The following PTBP3 variants were observed in gnomAD, a reference collection of about 807,000 sequenced individuals.
PTBP3 encodes the protein polypyrimidine tract binding protein 3.
A neutral mutation model predicts 58.7 loss-of-function variants in PTBP3; 20 were observed. The ratio of observed to expected loss-of-function variants is 0.34; its 90% CI spans 0.24 to 0.50. PTBP3 has a LOEUF of 0.50. Among genes scored for constraint, PTBP3 ranks in the 20% least tolerant of loss-of-function variants. The pLI is 0.98. For missense variants in PTBP3, 509 were observed against 637.2 expected (o/e 0.80, Z 2.17); for synonymous variants, 185 against 219.8 (o/e 0.84, Z 1.40).
intron 1 of PTBP3, among the ~76,000 whole-genome samples, chr9:112,331,952 A>G (rs115207780): frequency 0.021 from 3,136 of 152,324 alleles, 122 homozygotes; most frequent in African/African-American, 0.072. Context: ...CCTTCCAGAC[A>G]ATTAACTACA....
rs1834822631 is a variant in PTBP3, at chr9:112,221,982, T to C, written c.*1869A>G. The C allele has an allele frequency of 2.2e-6, 2 of 917,384 alleles. No homozygotes were observed. Among genetic ancestry groups the C allele is most frequent in the African/African-American group, 3.6e-5 (2 of 55,842 alleles). 56.8% of individuals were successfully genotyped at this position (917,384 alleles called of 1,614,324 possible). On this transcript the variant is annotated 3_prime_UTR_variant, in exon 14 of 14. Transcript: ENST00000374257. ...AAGTGGCTATTCACAAATGTGATCA[T>C]AGCGCACTGCAGCCTTGAACTCCTG...
chr9:112,373,479 C>T, the PTBP3 span, among the ~76,000 whole-genome samples: 4 of 152,178 alleles, frequency 2.6e-5, no homozygotes, highest in Admixed American at 2.6e-4. Flanking sequence ...CCCACTGACT[C>T]AAATTTTAAT....
intron 1 of PTBP3, among the ~76,000 whole-genome samples, chr9:112,309,855 C>G (rs967721838): frequency 6.6e-6 from 1 of 151,982 alleles, no homozygotes; most frequent in African/African-American, 2.4e-5. Flanking sequence ...AATAGGGGGT[C>G]TGCATTCATT....
intron 7 of PTBP3, among the ~76,000 whole-genome samples, chr9:112,246,116 G>A (rs1156694736): frequency 6.6e-6 from 1 of 151,734 alleles, no homozygotes; most frequent in Non-Finnish European, 1.5e-5. Context: ...CCTAGTAGCT[G>A]GGACTACAGT....
chr9:112,350,884 C>T, the PTBP3 span, among the ~76,000 whole-genome samples: 1 of 152,078 alleles, frequency 6.6e-6, no homozygotes, highest in South Asian at 2.1e-4. Flanking sequence ...CTGCAACCTC[C>T]GCCTCCTTGG....
intron 7 of PTBP3, among the ~76,000 whole-genome samples, chr9:112,243,311 T>C (rs1321883415): frequency 6.6e-6 from 1 of 151,404 alleles, no homozygotes; most frequent in Non-Finnish European, 1.5e-5. Flanking sequence ...GGGACCAAGG[T>C]GGGTGGATCA....
chr9:112,259,648 C>T (rs186593828), intron 5 of PTBP3, among the ~76,000 whole-genome samples: 2 of 152,306 alleles, frequency 1.3e-5, no homozygotes, highest in African/African-American at 2.4e-5. Flanking sequence ...ATTTCAGTCA[C>T]TCTCAATTCC....
chr9:112,237,440 A>G (rs922294031), intron 7 of PTBP3, among the ~76,000 whole-genome samples: 1 of 152,234 alleles, frequency 6.6e-6, no homozygotes, highest in Non-Finnish European at 1.5e-5. Context: ...GAATTAATAC[A>G]TAAGATAACA....
intron 5 of PTBP3, among the ~76,000 whole-genome samples, chr9:112,259,320 A>G (rs1304482998): frequency 6.6e-6 from 1 of 152,206 alleles, no homozygotes; most frequent in Non-Finnish European, 1.5e-5. Context: ...TCACTGTTCC[A>G]TTCAAAATCC....
the PTBP3 span, among the ~76,000 whole-genome samples, chr9:112,363,873 G>C: frequency 6.6e-6 from 1 of 152,060 alleles, no homozygotes; most frequent in Non-Finnish European, 1.5e-5. Flanking sequence ...AAAATCCATA[G>C]GGTTCACTCT....
At position 112,223,056 on chromosome 9, in the gene PTBP3, G is replaced by A. The variant is rs568923734; in HGVS notation, c.*795C>T. 1.2e-6 allele frequency: 1 copy of A among 852,982 alleles called. No homozygotes were observed. The highest frequency in any genetic ancestry group is 6.2e-5 in the Admixed American group (1 of 16,058). 52.8% of individuals were successfully genotyped at this position (852,982 alleles called of 1,614,324 possible). ...AAAATTTTCCAAGATCATATTACTT[G>A]ACAAATAAGTGTCATTTTGAAATTT... On this transcript the variant is annotated 3_prime_UTR_variant, in exon 14 of 14. Transcript: ENST00000374257.
At chr9:112,317,468 G>A (rs1021341360) in intron 1 of PTBP3, among the ~76,000 whole-genome samples, 1 of 151,592 alleles carries the variant, frequency 6.6e-6, no homozygotes, top group Admixed American at 6.6e-5. Flanking sequence ...AGGAAATAAA[G>A]AGTAAAACTG....
At chr9:112,299,721 C>G (rs561760555) in intron 1 of PTBP3, among the ~76,000 whole-genome samples, 69 of 152,272 alleles carry the variant, frequency 4.5e-4, no homozygotes, top group Admixed American at 4.0e-3. Context: ...ACTCCCTCCC[C>G]CCATTGACAA....
At position 112,222,231 on chromosome 9, in the gene PTBP3, AAAT is replaced by A; in HGVS notation, c.*1617_*1619del. ...AAAAAATTCTGATCAACAATTGAAG[AAAT>A]AATAGCAAAGTTTCTTATTAAAAAG... is the stretch of plus-strand genomic sequence containing the variant. On this transcript the variant is annotated 3_prime_UTR_variant, in exon 14 of 14. Coordinates refer to ENST00000374257, the MANE Select transcript of PTBP3 (RefSeq NM_001163788.4). The A allele has an allele frequency of 3.1e-6, 3 of 977,514 alleles. No individual in the cohort carries two copies. The highest frequency in any genetic ancestry group is 3.6e-6 in the Non-Finnish European group (3 of 822,336). 60.6% of individuals were successfully genotyped at this position (977,514 alleles called of 1,614,324 possible).
At chr9:112,279,391 G>A (rs1396847086) in intron 2 of PTBP3, among the ~76,000 whole-genome samples, 5 of 152,030 alleles carry the variant, frequency 3.3e-5, no homozygotes, top group Non-Finnish European at 7.4e-5. Flanking sequence ...TGTGGAAGAG[G>A]GTTTTTAAAA....
the PTBP3 span, among the ~76,000 whole-genome samples, chr9:112,376,244 T>TTTA: frequency 8.2e-6 from 1 of 122,514 alleles, no homozygotes; most frequent in African/African-American, 3.2e-5. Context: ...TGTAGGGGAG[T>TTTA]TTATTAAGTT....
At chr9:112,247,860 C>A (rs535900911) in intron 7 of PTBP3, among the ~76,000 whole-genome samples, 2 of 152,176 alleles carry the variant, frequency 1.3e-5, no homozygotes, top group South Asian at 2.1e-4. Flanking sequence ...CTGCAACTTA[C>A]TCAAGTGGTT....
chr9:112,325,614 G>C (rs1490078013), intron 1 of PTBP3, among the ~76,000 whole-genome samples: 1 of 119,622 alleles, frequency 8.4e-6, no homozygotes, highest in Non-Finnish European at 1.8e-5. Flanking sequence ...AAAAAAAAAG[G>C]AACTACTGAT....
chr9:112,327,144 C>T (rs1830190100), intron 1 of PTBP3, among the ~76,000 whole-genome samples: 1 of 151,326 alleles, frequency 6.6e-6, no homozygotes, highest in Admixed American at 6.6e-5. Flanking sequence ...GTGGAGAATG[C>T]AGTGAGCCAT....
Sources: gnomAD v4.1 joint callset for allele counts (sites outside exome capture counted in the v4.1 genomes callset) on GRCh38, gnomAD v4.1.1 for gene constraint, MANE v1.5 for transcripts, NCBI Gene and HGNC (gene_info 2026-07-23, HGNC 2026-07-21) for gene names.